GARS1: variants seen among roughly 807,000 people sequenced by gnomAD.
GARS1 encodes glycine--tRNA ligase.
In GARS1, 46 loss-of-function variants were observed where a neutral mutation model predicts 86.4. That is an observed-to-expected ratio of 0.53 (90% CI 0.42 to 0.68). The LOEUF (loss-of-function observed/expected upper bound fraction) is 0.68. GARS1 is among the 30% of genes least tolerant of loss of function. GARS1 has a pLI of 0.00. For synonymous variants in GARS1, 342 were observed against 329.8 expected (o/e 1.04, Z -0.40); for missense variants, 797 against 915.6 (o/e 0.87, Z 1.67).
intron 6 of GARS1, among the ~76,000 whole-genome samples, chr7:30,604,915 T>A (rs942123693): frequency 3.3e-5 from 5 of 152,262 alleles, no homozygotes. Context: ...AAGTACGTTG[T>A]CAGAGTTGGG....
At chr7:30,622,618 A>G (rs974377299) in intron 12 of GARS1, 156 bp downstream of exon 12, 3 of 854,382 alleles carry the variant, frequency 3.5e-6, no homozygotes, top group African/African-American at 1.7e-5. Context: ...TTTTGGCATT[A>G]TAGCCTGAAA....
chr7:30,631,975 G>C, intron 15 of GARS1: 1 of 460,720 alleles, frequency 2.2e-6, no homozygotes, highest in Non-Finnish European at 4.0e-6. Flanking sequence ...AAAAATAGAG[G>C]TGGTGGAGTC....
At chr7:30,600,482 G>C (rs1198613570) in intron 3 of GARS1, among the ~76,000 whole-genome samples, 1 of 152,182 alleles carries the variant, frequency 6.6e-6, no homozygotes, top group Non-Finnish European at 1.5e-5. Flanking sequence ...CAGGGATGTA[G>C]ATAAATCACT....
In GARS1 at chr7:30,601,119, AG is replaced by A; in HGVS notation, c.489del (p.Thr164ProfsTer26). On this transcript the variant is annotated frameshift_variant, in exon 4 of 17. Transcript: ENST00000389266. LOFTEE classifies it high-confidence loss of function. The stretch of plus-strand genomic sequence containing the variant: ...TGTGCTTTGAAGAACAATATTATTC[AG>A]ACCTGGAGGCAGCACTTTATCCAAG... ...VGCALKNNII[Q>X]TWRQHFIQEE... 6.2e-7 allele frequency: 1 copy of A among 1,614,074 alleles called. No homozygotes were observed. Among genetic ancestry groups the A allele is most frequent in the Non-Finnish European group, 8.5e-7 (1 of 1,179,934 alleles).
intron 4 of GARS1, among the ~76,000 whole-genome samples, chr7:30,602,024 C>T (rs186063366): frequency 4.4e-4 from 67 of 151,140 alleles, no homozygotes; most frequent in Middle Eastern, 6.9e-3. Context: ...CCTCGTGATC[C>T]GCCCGCCTCG....
intron 14 of GARS1, among the ~76,000 whole-genome samples, chr7:30,629,850 G>A (rs1339044898): frequency 6.6e-6 from 1 of 152,196 alleles, no homozygotes; most frequent in African/African-American, 2.4e-5. Context: ...AACTGCATGT[G>A]TTCTTTTTAG....
At chr7:30,627,077 C>T (rs1040824815) in intron 13 of GARS1, 3 of 466,204 alleles carry the variant, frequency 6.4e-6, no homozygotes, top group Non-Finnish European at 1.3e-5. Flanking sequence ...GTGAATTAGG[C>T]AATGAGTAAT....
At chr7:30,597,162 A>G (rs193120758) in intron 1 of GARS1, among the ~76,000 whole-genome samples, 3 of 152,314 alleles carry the variant, frequency 2.0e-5, no homozygotes, top group Admixed American at 6.5e-5. Flanking sequence ...GAGTGGTGAT[A>G]TTAACAAACG....
chr7:30,625,707 A>G, intron 12 of GARS1, among the ~76,000 whole-genome samples: 1 of 152,266 alleles, frequency 6.6e-6, no homozygotes, highest in East Asian at 1.9e-4. Flanking sequence ...ATATTGCCAT[A>G]TGAAACAGAA....
At chr7:30,596,087 G>A (rs1405630275) in intron 1 of GARS1, among the ~76,000 whole-genome samples, 1 of 152,228 alleles carries the variant, frequency 6.6e-6, no homozygotes, top group Non-Finnish European at 1.5e-5. Flanking sequence ...AGAGCTTGCA[G>A]TAGGACCCCG....
intron 15 of GARS1, 43 bp downstream of exon 15, chr7:30,631,584 A>G (rs758409536): frequency 8.2e-7 from 1 of 1,222,520 alleles, no homozygotes; most frequent in Non-Finnish European, 1.2e-6. Context: ...AACACCATCA[A>G]GGAGACTGAA....
intron 1 of GARS1, among the ~76,000 whole-genome samples, chr7:30,596,642 A>G (rs895695727): frequency 6.6e-6 from 1 of 152,118 alleles, no homozygotes; most frequent in Non-Finnish European, 1.5e-5. Context: ...TGTCTTGTGT[A>G]TTGTTTATGT....
At chr7:30,614,439 T>C (rs1204490419) in intron 8 of GARS1, among the ~76,000 whole-genome samples, 1 of 152,168 alleles carries the variant, frequency 6.6e-6, no homozygotes. Context: ...AGCCCAATTA[T>C]AAGCTATGTG....
intron 6 of GARS1, 92 bp from the exon 7 acceptor site, chr7:30,609,493 T>A: frequency 9.6e-7 from 1 of 1,045,168 alleles, no homozygotes; most frequent in South Asian, 1.3e-5. Context: ...TGTGTGATTG[T>A]AGCAGTGGAT....
intron 6 of GARS1, among the ~76,000 whole-genome samples, chr7:30,605,786 A>G (rs546302433): frequency 4.1e-4 from 63 of 152,340 alleles, no homozygotes; most frequent in African/African-American, 1.4e-3. Context: ...AGGATTTAAA[A>G]AATCCTTTTC....
Position 30,632,199 on chromosome 7 carries a change from C to A in GARS1, c.1904-48C>A, listed in dbSNP as rs1465841960. 6.4e-7 allele frequency: 1 copy of A among 1,570,568 alleles called. No individual in the cohort carries two copies. The highest frequency in any genetic ancestry group is 1.4e-5 in the African/African-American group (1 of 74,066). On this transcript the variant is annotated intron_variant, in intron 15 of 16. Coordinates refer to ENST00000389266, the MANE Select transcript of GARS1 (RefSeq NM_002047.4). The surrounding 1 kb of genome is among the most constrained non-coding windows in gnomAD (Gnocchi z 4.1). ...AAGACAGTAGTTAGATAACACTGGG[C>A]TTAACTCCATTGTTTTATTTTTAAT...
At position 30,616,630 on chromosome 7, in the gene GARS1, T is replaced by C. The variant is rs144673671; in HGVS notation, c.1195-484T>C. 1.3e-3 allele frequency among the ~76,000 whole-genome samples: 204 copies of C among 152,268 alleles called. 1 individual carries two copies. The highest frequency in any genetic ancestry group is 2.0e-3 in the Non-Finnish European group (137 of 68,002). On this transcript the variant is annotated intron_variant, in intron 9 of 16. Coordinates refer to ENST00000389266, the MANE Select transcript of GARS1 (RefSeq NM_002047.4). ...CACTTTGCAGAGAAGACCTCTGCAG[T>C]GTATGGAGATGGGGCTAGATGTTTT...
At chr7:30,594,798 G>C (rs1791200149), upstream of GARS1, 1 of 794,638 alleles carries the variant, frequency 1.3e-6, no homozygotes, top group Admixed American at 2.7e-5. Context: ...CGCGTCACGC[G>C]GTGGTGAATG....
intron 10 of GARS1, among the ~76,000 whole-genome samples, chr7:30,618,666 T>A (rs1562778748): frequency 6.6e-6 from 1 of 152,176 alleles, no homozygotes; most frequent in African/African-American, 2.4e-5. Context: ...CATGCTTAGC[T>A]CCATGGTCTT....
Sources: allele counts gnomAD v4.1 joint callset (sites outside exome capture counted in the v4.1 genomes callset), GRCh38; gene constraint gnomAD v4.1.1; non-coding constraint Gnocchi (gnomAD v3.1); transcripts MANE v1.5; gene names NCBI Gene and HGNC (gene_info 2026-07-23, HGNC 2026-07-21).